The following MASP1 variants were observed in gnomAD, a reference collection of about 807,000 sequenced individuals.
The protein encoded by MASP1 is mannan-binding lectin serine protease 1.
Under a neutral mutation model 77.1 loss-of-function variants are expected in MASP1, and 59 were observed. The observed-to-expected ratio is 0.77, with a 90% CI of 0.62 to 0.95. The LOEUF (loss-of-function observed/expected upper bound fraction) is 0.95. MASP1 is among the 40% of genes least tolerant of loss of function. MASP1 has a pLI of 0.00. For missense variants in MASP1, 885 were observed against 912.9 expected (o/e 0.97, Z 0.39); for synonymous variants, 362 against 354.5 (o/e 1.02, Z -0.24).
At chr3:187,280,061 G>A (rs1442927398) in intron 2 of MASP1, among the ~76,000 whole-genome samples, 1 of 152,178 alleles carries the variant, frequency 6.6e-6, no homozygotes, top group Non-Finnish European at 1.5e-5. Context: ...AGACAATGGG[G>A]AGGCATTGAA....
intron 2 of MASP1, among the ~76,000 whole-genome samples, chr3:187,264,874 A>C (rs1427407225): frequency 1.3e-5 from 2 of 152,198 alleles, no homozygotes; most frequent in Non-Finnish European, 2.9e-5. Flanking sequence ...CATGAACTAG[A>C]GTACACCATC....
In MASP1 at chr3:187,238,244, T is replaced by TCTCCAA. The variant is rs1221246612; in HGVS notation, c.1304-1678_1304-1677insTTGGAG. ...CACACTGCAGGTCACAGATCAGATC[T>TCTCCAA]GGAGAGACCTTGGAGAACAGCTAAT... On this transcript the variant is annotated intron_variant, in intron 10 of 10. Coordinates refer to ENST00000296280, the MANE Select transcript of MASP1 (RefSeq NM_139125.4). Among the ~76,000 whole-genome samples, 7 of 152,348 alleles carry TCTCCAA rather than the reference T, an allele frequency of 4.6e-5. No homozygotes were observed. The East Asian group carries it at 1.3e-3, about 29-fold the overall frequency.
chr3:187,257,927 G>A (rs774627139), intron 4 of MASP1, among the ~76,000 whole-genome samples: 24 of 152,124 alleles, frequency 1.6e-4, no homozygotes, highest in Non-Finnish European at 2.8e-4. Context: ...TTTCTCTGCA[G>A]TTTGGACACA....
intron 1 of MASP1, 110 bp from the exon 2 acceptor site, chr3:187,286,166 G>T: frequency 1.2e-6 from 1 of 852,060 alleles, no homozygotes; most frequent in Non-Finnish European, 1.9e-6. Context: ...TCTCTGGCCT[G>T]CCGTAATTAG....
At chr3:187,274,364 G>C (rs1461064670) in intron 2 of MASP1, among the ~76,000 whole-genome samples, 1 of 152,144 alleles carries the variant, frequency 6.6e-6, no homozygotes, top group Non-Finnish European at 1.5e-5. Flanking sequence ...TGAGTCCATG[G>C]AGGTGACATG....
At position 187,286,013 on chromosome 3, in the gene MASP1, C is replaced by T. The variant is rs746649361; in HGVS notation, c.49G>A (p.Ala17Thr). The change falls in exon 2 of 11, where the codon GCT (alanine) becomes ACT (threonine). Residue 17 changes from alanine to threonine, a missense_variant. Transcript: ENST00000296280. ...YYALCFSLSK[A>T]SAHTVELNNM... is the part of the protein sequence containing the mutation. ...TTTAGCTCCACGGTGTGGGCTGAAGCCTTTGACAGGGAGAAGCACAGAGCA... is the reference window on the plus strand; with the variant it reads ...TTTAGCTCCACGGTGTGGGCTGAAGTCTTTGACAGGGAGAAGCACAGAGCA... 6.2e-7 allele frequency: 1 copy of T among 1,614,132 alleles called. No individual in the cohort carries two copies.
chr3:187,265,045 T>A (rs377764412), intron 2 of MASP1, among the ~76,000 whole-genome samples: 2 of 152,174 alleles, frequency 1.3e-5, no homozygotes, highest in East Asian at 1.9e-4. Context: ...AGCTGAGCTC[T>A]AGATTCCTTT....
intron 2 of MASP1, among the ~76,000 whole-genome samples, chr3:187,263,496 G>A (rs3774280): frequency 6.6e-6 from 1 of 152,258 alleles, no homozygotes; most frequent in East Asian, 1.9e-4. Flanking sequence ...GATGTACTTG[G>A]AAGGATACAT....
chr3:187,265,699 G>A (rs1210827490), intron 2 of MASP1, among the ~76,000 whole-genome samples: 1 of 152,202 alleles, frequency 6.6e-6, no homozygotes, highest in African/African-American at 2.4e-5. Flanking sequence ...CTCAAGGCTG[G>A]AGAGATAACA....
intron 14 of MASP1, among the ~76,000 whole-genome samples, chr3:187,222,119 CA>C (rs1198321682): frequency 6.6e-6 from 1 of 152,186 alleles, no homozygotes; most frequent in Non-Finnish European, 1.5e-5. Flanking sequence ...AGATCCTCAG[CA>C]ACTGCTGAGC....
intron 2 of MASP1, among the ~76,000 whole-genome samples, chr3:187,276,037 C>T (rs1327940804): frequency 6.6e-6 from 1 of 151,940 alleles, no homozygotes; most frequent in African/African-American, 2.4e-5. Context: ...GCCATCCTTG[C>T]TATTCTTCAA....
At chr3:187,276,221 C>T (rs1716959898) in intron 2 of MASP1, among the ~76,000 whole-genome samples, 1 of 152,154 alleles carries the variant, frequency 6.6e-6, no homozygotes, top group Admixed American at 6.5e-5. Context: ...CCCATCTCAA[C>T]TCATGCAGAG....
intron 15 of MASP1, chr3:187,221,011 T>C (rs565254893): frequency 1.3e-6 from 2 of 1,592,618 alleles, no homozygotes; most frequent in African/African-American, 1.3e-5. Flanking sequence ...AGCGCCCCTG[T>C]TGTATGCCAG....
At chr3:187,223,641 G>A (rs11720718) in intron 13 of MASP1, among the ~76,000 whole-genome samples, 42,923 of 152,084 alleles carry the variant, frequency 0.28, 7,529 homozygotes, top group Non-Finnish European at 0.39. Context: ...CTAAGCCTCT[G>A]TTTTCCTATC....
intron 1 of MASP1, among the ~76,000 whole-genome samples, chr3:187,289,237 C>A (rs915501730): frequency 6.6e-6 from 1 of 152,168 alleles, no homozygotes; most frequent in Non-Finnish European, 1.5e-5. Flanking sequence ...ATGATTGCGG[C>A]ATGAACGGCA....
rs16861893 is a variant in MASP1 at position 187,291,388 on chromosome 3, G to A, written c.5+240C>T. 34,920 of 596,308 alleles carry A rather than the reference G, an allele frequency of 0.059. 1,177 individuals are homozygous for A. Among genetic ancestry groups the A allele is most frequent in the Non-Finnish European group, 0.074 (24,103 of 327,802 alleles). The allele number at this position is 596,308 out of a possible 1,614,324, so 36.9% of individuals were successfully genotyped here. On this transcript the variant is annotated intron_variant, in intron 1 of 10. Transcript: ENST00000296280. The stretch of plus-strand genomic sequence containing the variant: ...TGGGAGAAATCTGAGCTTCAGCAGC[G>A]TCCGGAGCAGGATTTGCACGAAGTC...
chr3:187,267,331 C>T (rs1222391418), intron 2 of MASP1, among the ~76,000 whole-genome samples: 3 of 152,142 alleles, frequency 2.0e-5, no homozygotes, highest in Non-Finnish European at 4.4e-5. Flanking sequence ...TGCTCAGGGC[C>T]CTTGAGGAGC....
In MASP1 at chr3:187,235,249, G is replaced by A. The variant is rs874603; in HGVS notation, c.*435C>T. Reference sequence around the variant, plus strand: ...GCAGAGCAGGAAAATATACAGATGCGGCATTCAGTTCAATGTTAGAAACCA... The same window carrying A: ...GCAGAGCAGGAAAATATACAGATGCAGCATTCAGTTCAATGTTAGAAACCA... On this transcript the variant is annotated 3_prime_UTR_variant, in exon 11 of 11. Coordinates refer to ENST00000296280, the MANE Select transcript of MASP1 (RefSeq NM_139125.4). 0.91 allele frequency: 1,179,123 copies of A among 1,292,806 alleles called. 540,028 individuals carry two copies. Among genetic ancestry groups the A allele is most frequent in the East Asian group, 0.99 (18,089 of 18,182 alleles). 80.1% of individuals were successfully genotyped at this position (1,292,806 alleles called of 1,614,324 possible).
chr3:187,262,415 TAA>T (rs1333130971), intron 3 of MASP1, 126 bp downstream of exon 3: 28 of 881,424 alleles, frequency 3.2e-5, no homozygotes, highest in Middle Eastern at 3.0e-4. Context: ...GCAAATGCAT[TAA>T]GACATTAATG....
Sources: gnomAD v4.1 joint callset for allele counts (sites outside exome capture counted in the v4.1 genomes callset) on GRCh38, gnomAD v4.1.1 for gene constraint, MANE v1.5 for transcripts, NCBI Gene and HGNC (gene_info 2026-07-23, HGNC 2026-07-21) for gene names.